The following STS variants were observed in gnomAD, a reference collection of about 807,000 sequenced individuals.
STS encodes the protein steroid sulfatase.
In STS, 7 loss-of-function variants were observed where a neutral mutation model predicts 26.8. The ratio of observed to expected loss-of-function variants is 0.26; its 90% confidence interval spans 0.15 to 0.49. The LOEUF (loss-of-function observed/expected upper bound fraction) is 0.49. Ranked by LOEUF, STS falls within the 20% of genes least tolerant of loss-of-function variation. The pLI is 0.98. For synonymous variants in STS, 199 were observed against 189.4 expected, an observed-to-expected ratio of 1.05 and a Z score of -0.42; for missense variants, 434 against 465.6, an observed-to-expected ratio of 0.93 and a Z score of 0.63.
At chrX:7,178,374 T>C (rs1933614254) in intron 1 of STS, among the ~76,000 whole-genome samples, 3 of 112,059 alleles carry the variant, frequency 2.7e-5, no homozygotes, top group African/African-American at 9.8e-5. Flanking sequence ...TCATCGAACC[T>C]AATTTAGAGG....
intron 7 of STS, among the ~76,000 whole-genome samples, chrX:7,277,291 C>T (rs1924588403): frequency 8.9e-6 from 1 of 111,855 alleles, no homozygotes; most frequent in Non-Finnish European, 1.9e-5. Flanking sequence ...CTCTCTCATT[C>T]TTCCTTCCAT....
At chrX:7,151,182 C>G (rs1280149565) in intron 1 of STS, among the ~76,000 whole-genome samples, 1 of 112,274 alleles carries the variant, frequency 8.9e-6, no homozygotes, top group Non-Finnish European at 1.9e-5. Flanking sequence ...GTTTGTTGTC[C>G]TGGTTCCTGT....
chrX:7,169,734 T>G (rs1335293745), intron 1 of STS, among the ~76,000 whole-genome samples: 1 of 112,200 alleles, frequency 8.9e-6, no homozygotes, highest in African/African-American at 3.2e-5. Flanking sequence ...AAAATAGGTT[T>G]GGCTTAGGAA....
chrX:7,148,698 C>A (rs1228135204), intron 1 of STS, among the ~76,000 whole-genome samples: 1 of 112,034 alleles, frequency 8.9e-6, no homozygotes, highest in African/African-American at 3.2e-5. Flanking sequence ...TCCTGGACCG[C>A]GACTTGAACC....
chrX:7,207,298 A>T (rs983992030), intron 2 of STS, among the ~76,000 whole-genome samples: 1 of 112,362 alleles, frequency 8.9e-6, no homozygotes, highest in African/African-American at 3.2e-5. Context: ...TCAAGAAGTA[A>T]CAACTAGCAC....
intron 2 of STS, among the ~76,000 whole-genome samples, chrX:7,204,856 T>G (rs1247022617): frequency 9.3e-6 from 1 of 107,896 alleles, no homozygotes; most frequent in Non-Finnish European, 1.9e-5. Flanking sequence ...CCTTCCTCTT[T>G]GCTTGCCTCC....
intron 2 of STS, among the ~76,000 whole-genome samples, chrX:7,205,096 A>G (rs1365117997): frequency 1.8e-5 from 2 of 111,557 alleles, no homozygotes; most frequent in African/African-American, 6.5e-5. Context: ...TGGACAACGG[A>G]AGAAGAAATA....
At chrX:7,324,245 T>C (rs1212315981) in intron 8 of STS, among the ~76,000 whole-genome samples, 1 of 110,803 alleles carries the variant, frequency 9.0e-6, no homozygotes, top group East Asian at 2.8e-4. Flanking sequence ...AAAGAGTTGA[T>C]TTAAAGACCT....
chrX:7,341,593 C>T (rs1010525820), intron 10 of STS, among the ~76,000 whole-genome samples: 17 of 111,945 alleles, frequency 1.5e-4, no homozygotes, highest in African/African-American at 5.5e-4. Context: ...CAGTAATCTC[C>T]AGTGCCTCAC....
chrX:7,191,360 A>G (rs962929091), intron 2 of STS, among the ~76,000 whole-genome samples: 1 of 112,173 alleles, frequency 8.9e-6, no homozygotes, highest in African/African-American at 3.2e-5. Context: ...CTTACAAATG[A>G]TTTAATGCAT....
intron 7 of STS, among the ~76,000 whole-genome samples, chrX:7,297,276 A>G (rs1323779532): frequency 9.4e-6 from 1 of 106,016 alleles, no homozygotes; most frequent in East Asian, 3.0e-4. Context: ...TTTTTTTTAG[A>G]AATTCTCAGA....
At position 7,350,475 on chromosome X, in the gene STS, G is replaced by C. The variant is rs1161603393; in HGVS notation, c.*214G>C. The C allele has an allele frequency of 4.9e-5, 23 of 474,220 alleles. No homozygotes were observed. The highest frequency in any genetic ancestry group is 8.0e-5 in the Non-Finnish European group (23 of 287,275). 39.1% of individuals were successfully genotyped at this position (474,220 alleles called of 1,213,427 possible). On this transcript the variant is annotated 3_prime_UTR_variant, in exon 11 of 11. Coordinates refer to ENST00000674429, the MANE Select transcript of STS (RefSeq NM_001320752.2). Reference sequence around the variant, plus strand: ...GTCTGTAGTATACAGACAGGAAGATGGTAGGTTTATGCCTTCTGTGGCCAG... The same window carrying C: ...GTCTGTAGTATACAGACAGGAAGATCGTAGGTTTATGCCTTCTGTGGCCAG...
At chrX:7,345,858 A>G (rs1456060123) in intron 10 of STS, among the ~76,000 whole-genome samples, 9 of 112,311 alleles carry the variant, frequency 8.0e-5, no homozygotes, top group Non-Finnish European at 1.5e-4. Context: ...AAAATATTTT[A>G]GTACATAACG....
At chrX:7,156,105 T>C (rs1933128080) in intron 1 of STS, among the ~76,000 whole-genome samples, 2 of 109,321 alleles carry the variant, frequency 1.8e-5, no homozygotes, top group Non-Finnish European at 3.8e-5. Context: ...TGAGCTCTGA[T>C]CATGCCACTG....
At chrX:7,320,011 TA>T (rs1926916447) in intron 8 of STS, among the ~76,000 whole-genome samples, 3 of 88,761 alleles carry the variant, frequency 3.4e-5, no homozygotes, top group African/African-American at 1.2e-4. Context: ...TTTATATATA[TA>T]TTTATATATA....
At chrX:7,148,962 G>GT (rs1398392611) in intron 1 of STS, among the ~76,000 whole-genome samples, 2 of 102,945 alleles carry the variant, frequency 1.9e-5, no homozygotes, top group Admixed American at 2.1e-4. Context: ...TTTTTTTCCC[G>GT]TTTGCCATCG....
intron 1 of STS, among the ~76,000 whole-genome samples, chrX:7,148,786 A>C (rs1602861082): frequency 8.9e-6 from 1 of 112,311 alleles, no homozygotes; most frequent in East Asian, 2.8e-4. Context: ...AGGCTGGTGC[A>C]TTGTCCCAGA....
At chrX:7,244,110 T>C (rs186170048) in intron 2 of STS, among the ~76,000 whole-genome samples, 9 of 111,646 alleles carry the variant, frequency 8.1e-5, no homozygotes, top group African/African-American at 2.9e-4. Flanking sequence ...GACTAATGTG[T>C]AGGAGTAAGG....
At chrX:7,205,753 C>T (rs1472267250) in intron 2 of STS, among the ~76,000 whole-genome samples, 1 of 107,149 alleles carries the variant, frequency 9.3e-6, no homozygotes, top group Non-Finnish European at 1.9e-5. Context: ...TCAAGTGGTC[C>T]TCTCACACAC....
Sources: allele counts gnomAD v4.1 joint callset (sites outside exome capture counted in the v4.1 genomes callset), GRCh38; gene constraint gnomAD v4.1.1; transcripts MANE v1.5; gene names NCBI Gene and HGNC (gene_info 2026-07-23, HGNC 2026-07-21).